The following SSBP2 variants were observed in gnomAD, a reference collection of about 807,000 sequenced individuals.
SSBP2 encodes the protein single-stranded DNA-binding protein 2.
A neutral mutation model predicts 61.8 loss-of-function variants in SSBP2; 17 were observed. That is an observed-to-expected ratio of 0.28 (90% CI 0.19 to 0.41). The LOEUF is 0.41. Among genes scored for constraint, SSBP2 ranks in the 10% least tolerant of loss-of-function variants. The probability of loss-of-function intolerance (pLI) is 1.00; values close to 1 mark genes in which losing one functional copy is unlikely to be tolerated. For synonymous variants in SSBP2, 139 were observed against 141.3 expected (o/e 0.98, Z 0.12); for missense variants, 310 against 458.7 (o/e 0.68, Z 2.96).
intron 5 of SSBP2, among the ~76,000 whole-genome samples, chr5:81,489,845 G>A (rs934662528): frequency 2.6e-5 from 4 of 151,908 alleles, no homozygotes; most frequent in Non-Finnish European, 4.4e-5. Flanking sequence ...TCCTCATCAT[G>A]GGTTTCTTAT....
At chr5:81,680,572 A>T (rs1195663531) in intron 1 of SSBP2, among the ~76,000 whole-genome samples, 1 of 152,084 alleles carries the variant, frequency 6.6e-6, no homozygotes, top group African/African-American at 2.4e-5. Flanking sequence ...GGATGGAGAA[A>T]GATATACCAT....
Position 81,736,143 on chromosome 5 carries a change from AACAC to A in SSBP2, c.62+14834_62+14837del, listed in dbSNP as rs58588638. 6.5e-3 allele frequency among the ~76,000 whole-genome samples: 489 copies of A among 75,394 alleles called. 1 individual carries two copies. Among genetic ancestry groups the A allele is most frequent in the East Asian group, 0.028 (122 of 4,302 alleles). 49.5% of individuals were successfully genotyped at this position (75,394 alleles called of 152,430 possible). A position where few individuals can be genotyped will look rare whatever the true frequency, so the allele number is the denominator to read the frequency against. On this transcript the variant is annotated intron_variant, in intron 1 of 16. Transcript: ENST00000320672. ...TTCCAAAAACATCCTACTACCCTGA[AACAC>A]ACACACACACACACACACACACACA...
At chr5:81,672,213 T>C (rs1455065879) in intron 1 of SSBP2, among the ~76,000 whole-genome samples, 5 of 152,220 alleles carry the variant, frequency 3.3e-5, no homozygotes, top group East Asian at 1.9e-4. Flanking sequence ...AATTCTCTTA[T>C]TTTTCAACTT....
At chr5:81,689,879 A>G (rs1319256592) in intron 1 of SSBP2, among the ~76,000 whole-genome samples, 1 of 152,132 alleles carries the variant, frequency 6.6e-6, no homozygotes, top group Non-Finnish European at 1.5e-5. Context: ...AACTGATCAA[A>G]AATAAAAACT....
intron 4 of SSBP2, among the ~76,000 whole-genome samples, chr5:81,568,705 A>G (rs777985599): frequency 5.9e-5 from 9 of 152,236 alleles, no homozygotes; most frequent in Non-Finnish European, 1.2e-4. Flanking sequence ...AGCCATTCAC[A>G]TATGTATATT....
At chr5:81,704,704 G>A (rs1754237065) in intron 1 of SSBP2, among the ~76,000 whole-genome samples, 1 of 147,604 alleles carries the variant, frequency 6.8e-6, no homozygotes, top group South Asian at 2.1e-4. Context: ...GCTGAGGCAG[G>A]AGAACCGCTT....
At chr5:81,608,515 G>C (rs1016668948) in intron 4 of SSBP2, among the ~76,000 whole-genome samples, 43 of 152,246 alleles carry the variant, frequency 2.8e-4, no homozygotes, top group African/African-American at 1.0e-3. Flanking sequence ...ATCCAGTGTA[G>C]TTGGAAAAGT....
chr5:81,480,853 A>C (rs1203996038), intron 6 of SSBP2, among the ~76,000 whole-genome samples: 1 of 152,226 alleles, frequency 6.6e-6, no homozygotes, highest in Non-Finnish European at 1.5e-5. Flanking sequence ...TCAAACCTTG[A>C]AGCTGTTTTA....
intron 15 of SSBP2, among the ~76,000 whole-genome samples, chr5:81,435,406 T>G (rs1010010406): frequency 6.6e-6 from 1 of 152,176 alleles, no homozygotes; most frequent in Non-Finnish European, 1.5e-5. Flanking sequence ...AAGACTTTTC[T>G]ATGTCCCCAT....
intron 1 of SSBP2, among the ~76,000 whole-genome samples, chr5:81,696,808 T>C (rs1247959133): frequency 3.0e-4 from 45 of 152,288 alleles, no homozygotes; most frequent in Non-Finnish European, 2.9e-5. Flanking sequence ...AAACACGAAG[T>C]ATGAGGAGAT....
intron 5 of SSBP2, among the ~76,000 whole-genome samples, chr5:81,511,553 C>T (rs1359638833): frequency 3.3e-5 from 5 of 152,186 alleles, no homozygotes; most frequent in Admixed American, 3.3e-4. Flanking sequence ...CTGCACAGAT[C>T]ATTTTGATGC....
chr5:81,584,849 T>C (rs1774941313), intron 4 of SSBP2, among the ~76,000 whole-genome samples: 1 of 152,146 alleles, frequency 6.6e-6, no homozygotes, highest in African/African-American at 2.4e-5. Flanking sequence ...GATGAGACAG[T>C]TGTAATTTTT....
At position 81,577,725 on chromosome 5, in the gene SSBP2, CA is replaced by C. The variant is rs772926541; in HGVS notation, c.282+37747del. On this transcript the variant is annotated intron_variant, in intron 4 of 16. Transcript: ENST00000320672. The stretch of plus-strand genomic sequence containing the variant: ...TATAATTTCCACATAACTTGGTAAG[CA>C]AAAAAAAAAGTATAGTAACCCTATA... 6.7e-4 allele frequency among the ~76,000 whole-genome samples: 98 copies of C among 145,710 alleles called. No homozygotes were observed. The East Asian group carries it at 0.012, about 19-fold the overall frequency.
At chr5:81,515,946 AGTAAAGGATTTTTAAGTTTT>A in intron 4 of SSBP2, among the ~76,000 whole-genome samples, 1 of 152,098 alleles carries the variant, frequency 6.6e-6, no homozygotes, top group South Asian at 2.1e-4. Flanking sequence ...TCTTACATAT[AGTAAAGGATTTTTAAGTTTT>A]GTAATATAGT....
In SSBP2 at chr5:81,712,136, G is replaced by A. The variant is rs147912763; in HGVS notation, c.62+38845C>T. Among the ~76,000 whole-genome samples the A allele has an allele frequency of 6.7e-4, 100 of 149,110 alleles. 1 individual carries two copies. Among genetic ancestry groups the A allele is most frequent in the Admixed American group, 1.3e-3 (19 of 14,802 alleles). ...AAATTATGGTCTAAGTAAGTCATAC[G>A]AGATCTAACCTGAAACAGAGCTTGT... On this transcript the variant is annotated intron_variant, in intron 1 of 16. Transcript: ENST00000320672.
chr5:81,618,095 C>T (rs1746234212), intron 3 of SSBP2, among the ~76,000 whole-genome samples: 1 of 106,148 alleles, frequency 9.4e-6, no homozygotes, highest in Non-Finnish European at 2.0e-5. Flanking sequence ...CAAATTCACA[C>T]ATAACAATAT....
intron 1 of SSBP2, among the ~76,000 whole-genome samples, chr5:81,720,039 C>G (rs932685264): frequency 2.0e-5 from 3 of 152,078 alleles, no homozygotes; most frequent in African/African-American, 7.2e-5. Flanking sequence ...TTATCCAGCC[C>G]TGGAGGAGTA....
intron 5 of SSBP2, among the ~76,000 whole-genome samples, chr5:81,505,326 T>TATAGA (rs2154075689): frequency 1.3e-5 from 2 of 152,352 alleles, no homozygotes; most frequent in East Asian, 3.9e-4. Context: ...TGACCCCTGA[T>TATAGA]ATAGAACATA....
chr5:81,519,986 CCT>C (rs1342146717), intron 4 of SSBP2, among the ~76,000 whole-genome samples: 279 of 151,160 alleles, frequency 1.8e-3, no homozygotes, highest in African/African-American at 5.8e-3. Context: ...TATTTTCCCC[CCT>C]CTTTTTTTTT....
Sources: allele counts gnomAD v4.1 joint callset (sites outside exome capture counted in the v4.1 genomes callset), GRCh38; gene constraint gnomAD v4.1.1; transcripts MANE v1.5; gene names NCBI Gene and HGNC (gene_info 2026-07-23, HGNC 2026-07-21).